Variants in CSMD1 observed in about 807,000 individuals in gnomAD.
The protein encoded by CSMD1 is CUB and Sushi multiple domains 1.
In CSMD1, 213 loss-of-function variants were observed where a neutral mutation model predicts 417.5. The ratio of observed to expected loss-of-function variants is 0.51; its 90% confidence interval spans 0.46 to 0.57. The LOEUF (loss-of-function observed/expected upper bound fraction) is 0.57, where lower values mean the gene tolerates loss of function less well. CSMD1 is among the 20% of genes least tolerant of loss of function. The pLI is 0.00. For missense variants in CSMD1, 6,923 were observed against 4,529.7 expected (o/e 1.53, Z -15.17); for synonymous variants, 2,862 against 1,736.8 (o/e 1.65, Z -16.11).
intron 3 of CSMD1, among the ~76,000 whole-genome samples, chr8:4,071,232 G>A (rs1267766829): frequency 6.6e-6 from 1 of 151,650 alleles, no homozygotes; most frequent in Non-Finnish European, 1.5e-5. Flanking sequence ...ACGTCTGTTA[G>A]GCCTGATATT....
At chr8:3,655,763 C>G (rs562068862) in intron 7 of CSMD1, among the ~76,000 whole-genome samples, 1 of 151,442 alleles carries the variant, frequency 6.6e-6, no homozygotes, top group Non-Finnish European at 1.5e-5. Flanking sequence ...TTAGCTACGG[C>G]TGTAGGAGGC....
chr8:3,621,876 T>G (rs1356882801), intron 7 of CSMD1, among the ~76,000 whole-genome samples: 1 of 152,044 alleles, frequency 6.6e-6, no homozygotes, highest in Non-Finnish European at 1.5e-5. Context: ...CCCAAAGTGC[T>G]GGAATTACAG....
chr8:4,487,028 C>A (rs1482901889), intron 2 of CSMD1, among the ~76,000 whole-genome samples: 1 of 152,156 alleles, frequency 6.6e-6, no homozygotes, highest in African/African-American at 2.4e-5. Flanking sequence ...CAAAGTTCCA[C>A]TGAAGAGAAT....
chr8:2,998,081 C>G lies in CSMD1; in HGVS notation c.8307G>C (p.Leu2769Phe), dbSNP rs767613753. The G allele has an allele frequency of 6.2e-7, 1 of 1,614,014 alleles. No individual in the cohort carries two copies. Among genetic ancestry groups the G allele is most frequent in the Admixed American group, 1.7e-5 (1 of 60,022 alleles). Reference sequence around the variant, plus strand: ...ACTGGGCTCGAGACACGCCCTGCAGCAAATAGCCCGTGTTGCAGGTGAAAT... The same window carrying G: ...ACTGGGCTCGAGACACGCCCTGCAGGAAATAGCCCGTGTTGCAGGTGAAAT... ...VVNFTCNTGYLLQGVSRAQCR... is the reference protein window; with the variant it reads ...VVNFTCNTGYFLQGVSRAQCR... The change falls in exon 54 of 70, where the codon TTG (leucine) becomes TTC (phenylalanine). Residue 2769 changes from leucine to phenylalanine, a missense_variant. Coordinates refer to ENST00000635120, the MANE Select transcript of CSMD1 (RefSeq NM_033225.6).
intron 6 of CSMD1, among the ~76,000 whole-genome samples, chr8:3,743,060 T>C (rs560649871): frequency 3.6e-4 from 55 of 152,306 alleles, no homozygotes; most frequent in Non-Finnish European, 6.5e-4. Context: ...GGTCCCTGTA[T>C]GGCAGCTGTG....
intron 12 of CSMD1, among the ~76,000 whole-genome samples, chr8:3,428,502 A>G (rs933794685): frequency 6.6e-6 from 1 of 152,210 alleles, no homozygotes; most frequent in Non-Finnish European, 1.5e-5. Context: ...TCAAATAAAA[A>G]TGATGGGGAA....
At chr8:4,706,291 T>A (rs1438178284) in intron 1 of CSMD1, among the ~76,000 whole-genome samples, 1 of 152,086 alleles carries the variant, frequency 6.6e-6, no homozygotes, top group Admixed American at 6.5e-5. Context: ...GTCCATTACC[T>A]TACATGTACC....
intron 3 of CSMD1, among the ~76,000 whole-genome samples, chr8:4,201,599 T>C (rs943385330): frequency 9.0e-5 from 12 of 132,640 alleles, no homozygotes; most frequent in African/African-American, 3.3e-4. Flanking sequence ...ATGCAACAAC[T>C]GTAGAAGAAA....
chr8:4,506,282 G>A (rs1585178107), intron 2 of CSMD1, among the ~76,000 whole-genome samples: 1 of 152,142 alleles, frequency 6.6e-6, no homozygotes, highest in East Asian at 1.9e-4. Context: ...CGGATTCATG[G>A]AAGCTTCGGT....
At chr8:4,212,901 G>A (rs1800407459) in intron 3 of CSMD1, among the ~76,000 whole-genome samples, 1 of 151,862 alleles carries the variant, frequency 6.6e-6, no homozygotes, top group South Asian at 2.1e-4. Flanking sequence ...AGGCTGAGCT[G>A]GAAAGAAGAC....
At chr8:4,769,688 A>C (rs1031098683) in intron 1 of CSMD1, among the ~76,000 whole-genome samples, 1 of 152,198 alleles carries the variant, frequency 6.6e-6, no homozygotes, top group Non-Finnish European at 1.5e-5. Context: ...GTGGAGCTGC[A>C]CGTCAGTTGC....
At chr8:3,676,731 A>G (rs541808091) in intron 7 of CSMD1, among the ~76,000 whole-genome samples, 8 of 152,292 alleles carry the variant, frequency 5.3e-5, no homozygotes, top group Admixed American at 4.6e-4. Context: ...TCATTGAAAT[A>G]CGTATATAAT....
chr8:4,333,627 G>A (rs1010624812), intron 3 of CSMD1, among the ~76,000 whole-genome samples: 3 of 152,116 alleles, frequency 2.0e-5, no homozygotes, highest in Admixed American at 6.6e-5. Context: ...TTTAAGGAGA[G>A]TGATCTAAAT....
At chr8:3,989,067 G>C (rs1053749466) in intron 5 of CSMD1, among the ~76,000 whole-genome samples, 2 of 152,144 alleles carry the variant, frequency 1.3e-5, no homozygotes, top group African/African-American at 4.8e-5. Context: ...GCAGAAATCT[G>C]AACTCTCTAT....
chr8:3,433,329 G>A (rs950883206), intron 12 of CSMD1, among the ~76,000 whole-genome samples: 5 of 152,130 alleles, frequency 3.3e-5, no homozygotes, highest in African/African-American at 1.2e-4. Context: ...GACTTCCACT[G>A]CCTGACTGTT....
intron 3 of CSMD1, among the ~76,000 whole-genome samples, chr8:4,284,933 T>C (rs181985812): frequency 1.3e-5 from 2 of 152,290 alleles, no homozygotes; most frequent in African/African-American, 2.4e-5. Flanking sequence ...ACCAGTTAAT[T>C]ACCTGTAAGA....
chr8:4,360,133 G>T (rs916695534), intron 3 of CSMD1, among the ~76,000 whole-genome samples: 1 of 152,148 alleles, frequency 6.6e-6, no homozygotes, highest in Non-Finnish European at 1.5e-5. Context: ...AGGTTTGGCT[G>T]TGAGGATGAT....
chr8:4,198,152 C>T (rs982807685), intron 3 of CSMD1, among the ~76,000 whole-genome samples: 1 of 152,170 alleles, frequency 6.6e-6, no homozygotes, highest in Non-Finnish European at 1.5e-5. Flanking sequence ...AAATGATGAT[C>T]AGCAGTCCCG....
intron 3 of CSMD1, among the ~76,000 whole-genome samples, chr8:4,150,208 G>T (rs76469332): frequency 6.6e-6 from 1 of 152,060 alleles, no homozygotes; most frequent in East Asian, 1.9e-4. Context: ...TCACAGGATC[G>T]GCCCCAGGAA....
Sources: gnomAD v4.1 joint callset for allele counts (sites outside exome capture counted in the v4.1 genomes callset) on GRCh38, gnomAD v4.1.1 for gene constraint, MANE v1.5 for transcripts, NCBI Gene and HGNC (gene_info 2026-07-23, HGNC 2026-07-21) for gene names.